Variants in FAM193A observed in about 807,000 individuals in gnomAD.
The protein encoded by FAM193A is family with sequence similarity 193 member A.
FAM193A carries 22 observed loss-of-function variants against 126.5 expected under a neutral mutation model. That is an observed-to-expected ratio of 0.17 (90% CI 0.12 to 0.25). The LOEUF (loss-of-function observed/expected upper bound fraction) is 0.25, where lower values mean the gene tolerates loss of function less well. Among genes scored for constraint, FAM193A ranks in the 10% least tolerant of loss-of-function variants. FAM193A has a pLI of 1.00. For missense variants in FAM193A, 1,675 were observed against 1,672.8 expected (o/e 1.00, Z -0.02); for synonymous variants, 761 against 646.8 (o/e 1.18, Z -2.68).
chr4:2,566,912 G>C (rs1738995192), intron 1 of FAM193A, among the ~76,000 whole-genome samples: 1 of 151,658 alleles, frequency 6.6e-6, no homozygotes. Context: ...TGATGAAGAA[G>C]ATGTAAATTG....
chr4:2,728,238 A>ATTTTTTTTT (rs58609064), intron 20 of FAM193A, among the ~76,000 whole-genome samples: 1 of 82,060 alleles, frequency 1.2e-5, no homozygotes, highest in Non-Finnish European at 2.2e-5. Context: ...ACCCGGCCCA[A>ATTTTTTTTT]TTTTTTTTTT....
intron 19 of FAM193A, among the ~76,000 whole-genome samples, chr4:2,704,490 G>A (rs1046324789): frequency 2.6e-5 from 4 of 152,124 alleles, no homozygotes; most frequent in African/African-American, 9.7e-5. Context: ...ACCTGAGCCT[G>A]GGAGGCGGAG....
rs181911510 is a variant in FAM193A, at chr4:2,552,584, C to A, written c.255+15414C>A. ...GACGGAGTCTCGCTCTGTCCCCATG[C>A]TGGAGTGCAGTGACACGATTTCTGC... On this transcript the variant is annotated intron_variant, in intron 1 of 20. Coordinates refer to ENST00000637812, the MANE Select transcript of FAM193A (RefSeq NM_001366318.2). Among the ~76,000 whole-genome samples the A allele has an allele frequency of 5.2e-3, 796 of 152,196 alleles. 8 individuals are homozygous for A. Among genetic ancestry groups the A allele is most frequent in the Non-Finnish European group, 5.9e-3 (400 of 68,018 alleles).
chr4:2,589,483 T>C (rs1160916203), intron 1 of FAM193A, among the ~76,000 whole-genome samples: 1 of 152,222 alleles, frequency 6.6e-6, no homozygotes, highest in African/African-American at 2.4e-5. Flanking sequence ...GATGCTGTAA[T>C]AATGTAGAAT....
At chr4:2,564,906 A>G (rs1235353703) in intron 1 of FAM193A, among the ~76,000 whole-genome samples, 1 of 152,052 alleles carries the variant, frequency 6.6e-6, no homozygotes, top group Non-Finnish European at 1.5e-5. Flanking sequence ...CCTGGGCTCA[A>G]GAGATCATCC....
chr4:2,646,289 C>T (rs1745136652), intron 6 of FAM193A, among the ~76,000 whole-genome samples: 1 of 151,114 alleles, frequency 6.6e-6, no homozygotes, highest in South Asian at 2.1e-4. Context: ...CCTGTCTCAG[C>T]CTCCTGAGTA....
At chr4:2,587,294 T>C (rs554097846) in intron 1 of FAM193A, among the ~76,000 whole-genome samples, 16 of 152,164 alleles carry the variant, frequency 1.1e-4, no homozygotes, top group East Asian at 3.8e-4. Context: ...TTTTAACAGC[T>C]AGCTCTCAGG....
intron 1 of FAM193A, among the ~76,000 whole-genome samples, chr4:2,537,703 G>T (rs1736972882): frequency 6.6e-6 from 1 of 152,254 alleles, no homozygotes; most frequent in Admixed American, 6.5e-5. Flanking sequence ...CGTGATGATT[G>T]AGAAGGGCCT....
intron 1 of FAM193A, among the ~76,000 whole-genome samples, chr4:2,576,430 TG>T (rs1228043710): frequency 6.6e-6 from 1 of 152,146 alleles, no homozygotes; most frequent in Non-Finnish European, 1.5e-5. Flanking sequence ...CGGGATGCAG[TG>T]GCATGTACCT....
chr4:2,680,352 A>G (rs1714962736), intron 13 of FAM193A, among the ~76,000 whole-genome samples: 1 of 150,838 alleles, frequency 6.6e-6, no homozygotes, highest in Non-Finnish European at 1.5e-5. Flanking sequence ...ACGGCATCTC[A>G]CTCTGTCACC....
intron 1 of FAM193A, among the ~76,000 whole-genome samples, chr4:2,547,600 G>A (rs968568768): frequency 6.8e-6 from 1 of 147,220 alleles, no homozygotes; most frequent in African/African-American, 2.6e-5. Context: ...GTGTGTGTGT[G>A]TGTCTGTGTG....
rs1057380958 is a variant in FAM193A at position 2,660,597 on chromosome 4, A to G, written c.1745+543A>G. Among the ~76,000 whole-genome samples, 3 of 152,220 alleles carry G rather than the reference A, an allele frequency of 2.0e-5. No homozygotes were observed. The East Asian group carries it at 5.8e-4, about 29-fold the overall frequency. On this transcript the variant is annotated intron_variant, in intron 10 of 20. Transcript: ENST00000637812. ...GGGAGGCTTCACATGCTAATTTCCA[A>G]AAGGGTTGCACTTGATCATATGTAG...
chr4:2,576,990 T>C (rs1193853345), intron 1 of FAM193A, among the ~76,000 whole-genome samples: 1 of 152,186 alleles, frequency 6.6e-6, no homozygotes, highest in Non-Finnish European at 1.5e-5. Context: ...ACAAAGCAGT[T>C]TTTTGAGATT....
chr4:2,691,009 G>T, intron 15 of FAM193A, 39 bp downstream of exon 15: 1 of 1,573,494 alleles, frequency 6.4e-7, no homozygotes, highest in South Asian at 1.2e-5. Flanking sequence ...GGGTCTGCAG[G>T]AAGGCTGGGC....
chr4:2,711,387 T>G (rs1275022814), intron 19 of FAM193A, among the ~76,000 whole-genome samples: 1 of 151,854 alleles, frequency 6.6e-6, no homozygotes, highest in Non-Finnish European at 1.5e-5. Flanking sequence ...TCGCCCAGAT[T>G]GGAGTGCAGT....
At chr4:2,721,711 A>G (rs115803410) in intron 20 of FAM193A, among the ~76,000 whole-genome samples, 2,152 of 152,294 alleles carry the variant, frequency 0.014, 46 homozygotes, top group African/African-American at 0.049. Flanking sequence ...TAACTGTTAA[A>G]TTACTTTGGA....
At chr4:2,703,599 C>T (rs1717978360) in intron 19 of FAM193A, among the ~76,000 whole-genome samples, 1 of 152,014 alleles carries the variant, frequency 6.6e-6, no homozygotes, top group Non-Finnish European at 1.5e-5. Context: ...TACTTGTGTG[C>T]ATATGTGTTT....
intron 2 of FAM193A, 37 bp from the exon 3 acceptor site, chr4:2,625,225 A>G: frequency 1.5e-6 from 1 of 649,608 alleles, no homozygotes; most frequent in Non-Finnish European, 2.8e-6. Context: ...TGAACATTTT[A>G]ACATAACTGG....
intron 1 of FAM193A, among the ~76,000 whole-genome samples, chr4:2,578,644 A>G (rs569535348): frequency 2.6e-5 from 4 of 152,018 alleles, no homozygotes; most frequent in African/African-American, 9.7e-5. Flanking sequence ...ATACCTTTCA[A>G]CTCTCCAAAA....
Sources: allele counts gnomAD v4.1 joint callset (sites outside exome capture counted in the v4.1 genomes callset), GRCh38; gene constraint gnomAD v4.1.1; transcripts MANE v1.5; gene names NCBI Gene and HGNC (gene_info 2026-07-23, HGNC 2026-07-21).